Variants in UNC13A observed in about 807,000 individuals in gnomAD.
UNC13A encodes protein unc-13 homolog A.
Under a neutral mutation model 219.7 loss-of-function variants are expected in UNC13A, and 61 were observed. The ratio of observed to expected loss-of-function variants is 0.28; its 90% CI spans 0.23 to 0.34. The LOEUF (loss-of-function observed/expected upper bound fraction) is 0.34. Ranked by LOEUF, UNC13A falls within the 10% of genes least tolerant of loss-of-function variation. The probability of loss-of-function intolerance (pLI) is 1.00; values close to 1 mark genes in which losing one functional copy is unlikely to be tolerated. For synonymous variants in UNC13A, 920 were observed against 884.6 expected (o/e 1.04, Z -0.71); for missense variants, 1,476 against 2,270.3 (o/e 0.65, Z 7.11).
chr19:17,687,366 G>A (rs1446231007), intron 1 of UNC13A, among the ~76,000 whole-genome samples: 1 of 152,164 alleles, frequency 6.6e-6, no homozygotes, highest in Non-Finnish European at 1.5e-5. Flanking sequence ...GTGAGGATGG[G>A]CCAGGAGGGG....
At chr19:17,667,986 G>T (rs1194195379) in intron 6 of UNC13A, 131 bp downstream of exon 6, 9 of 908,686 alleles carry the variant, frequency 9.9e-6, no homozygotes, top group Middle Eastern at 4.5e-4. Flanking sequence ...ATGCAGTCAG[G>T]TTACAAAGAG....
chr19:17,681,601 T>C (rs1457238875), intron 1 of UNC13A, among the ~76,000 whole-genome samples: 1 of 151,912 alleles, frequency 6.6e-6, no homozygotes, highest in Admixed American at 6.6e-5. Context: ...GAATAAGGGA[T>C]TTGTGTGTGT....
chr19:17,631,188 T>TTCC lies in UNC13A; in HGVS notation c.3429-441_3429-439dup, dbSNP rs751272969. 7.2e-3 allele frequency among the ~76,000 whole-genome samples: 182 copies of TTCC among 25,194 alleles called. 16 individuals carry two copies. Among genetic ancestry groups the TTCC allele is most frequent in the Middle Eastern group, 0.04 (2 of 50 alleles). The allele number at this position is 25,194 out of a possible 152,430, so 16.5% of individuals were successfully genotyped here. A position where few individuals can be genotyped will look rare whatever the true frequency, so the allele number is the denominator to read the frequency against. On this transcript the variant is annotated intron_variant, in intron 28 of 43. Coordinates refer to ENST00000519716, the MANE Select transcript of UNC13A (RefSeq NM_001080421.3). ...CTCCCTCCCTCCCTCCTTTCCTTCCTTCCCTCCCTCCCTCCCTTCCTTCCT... is the reference window on the plus strand; with the variant it reads ...CTCCCTCCCTCCCTCCTTTCCTTCCTTCCTCCCTCCCTCCCTCCCTTCCTTCCT...
At chr19:17,629,666 C>G (rs776722667) in intron 30 of UNC13A, among the ~76,000 whole-genome samples, 4 of 152,140 alleles carry the variant, frequency 2.6e-5, no homozygotes, top group Non-Finnish European at 5.9e-5. Context: ...ATGAATCAAA[C>G]CTCAACCCCA....
intron 43 of UNC13A, among the ~76,000 whole-genome samples, chr19:17,609,494 A>C (rs145169119): frequency 6.6e-6 from 1 of 152,036 alleles, no homozygotes; most frequent in African/African-American, 2.4e-5. Context: ...ACAAGGCTCA[A>C]TGTAGACTCC....
rs535178640 is a variant in UNC13A at position 17,609,853 on chromosome 19, G to C, written c.4811+87C>G. The C allele has an allele frequency of 1.4e-5, 22 of 1,575,176 alleles. No individual in the cohort carries two copies. In the East Asian group the frequency reaches 4.9e-4, roughly 35 times the overall value. ...CTCCCATTCCCGGGCCCAGATTCCA[G>C]ATACCTCCTGCCTAGCTGGCTTTGG... On this transcript the variant is annotated intron_variant, in intron 43 of 43. Coordinates refer to ENST00000519716, the MANE Select transcript of UNC13A (RefSeq NM_001080421.3).
rs1397028746 is a variant in UNC13A, at chr19:17,645,798, G to A, written c.2232C>T (p.Asp744=). 5.0e-6 allele frequency: 8 copies of A among 1,613,550 alleles called. No homozygotes were observed. Among genetic ancestry groups the A allele is most frequent in the South Asian group, 3.3e-5 (3 of 90,984 alleles). Residue 744 remains aspartate (D), a synonymous_variant, in exon 19 of 44, where the codon GAC becomes GAT. Transcript: ENST00000519716. ...SSDRIKVRVW[D]EDDDIKSRVK... ...CGCGGGATTTGATGTCGTCATCCTC[G>A]TCCCAGACGCGCACCTTGATGCGGT...
chr19:17,649,548 G>A lies in UNC13A; in HGVS notation c.1479C>T (p.Asp493=), dbSNP rs1568526277. 1 of 1,613,926 alleles carries A rather than the reference G, an allele frequency of 6.2e-7. No homozygotes were observed. Among genetic ancestry groups the A allele is most frequent in the Non-Finnish European group, 8.5e-7 (1 of 1,179,876 alleles). Residue 493 remains aspartate, a synonymous_variant, in exon 13 of 44, where the codon GAC becomes GAT. Coordinates refer to ENST00000519716, the MANE Select transcript of UNC13A (RefSeq NM_001080421.3). The surrounding 1 kb of genome is among the most constrained non-coding windows in gnomAD (Gnocchi z 4.4). ...GTGGGATAGGTTTCCTCTTGCGGATGTCTGGCATGCTGTCGATGATGATGA... is the reference window on the plus strand; with the variant it reads ...GTGGGATAGGTTTCCTCTTGCGGATATCTGGCATGCTGTCGATGATGATGA... ...GGLIIIDSMP[D]IRKRKPIPLV...
intron 16 of UNC13A, 25 bp from the exon 17 acceptor site, chr19:17,647,517 G>A: frequency 6.2e-7 from 1 of 1,603,964 alleles, no homozygotes; most frequent in Non-Finnish European, 8.5e-7. Context: ...GGCCGGCGCT[G>A]ACCCCAGCGC....
intron 39 of UNC13A, 39 bp downstream of exon 39, chr19:17,618,867 G>T (rs762080150): frequency 1.2e-6 from 2 of 1,610,010 alleles, no homozygotes; most frequent in Non-Finnish European, 1.7e-6. Flanking sequence ...TGAGTTTGGG[G>T]GGCAGTCCCT....
At position 17,625,089 on chromosome 19, in the gene UNC13A, G is replaced by C. The variant is rs964298399; in HGVS notation, c.4074-137C>G. 11 of 1,330,670 alleles carry C rather than the reference G, an allele frequency of 8.3e-6. No individual in the cohort carries two copies. In the African/African-American group the frequency reaches 1.6e-4, roughly 20 times the overall value. The allele number at this position is 1,330,670 out of a possible 1,614,324, so 82.4% of individuals were successfully genotyped here. Reference sequence around the variant, plus strand: ...CTGTACAGGGACCCCTGGGTGGTTTGATGGGGCTATGATATCTGATGCATG... The same window carrying C: ...CTGTACAGGGACCCCTGGGTGGTTTCATGGGGCTATGATATCTGATGCATG... On this transcript the variant is annotated intron_variant, in intron 34 of 43. Coordinates refer to ENST00000519716, the MANE Select transcript of UNC13A (RefSeq NM_001080421.3).
intron 21 of UNC13A, 98 bp from the exon 22 acceptor site, chr19:17,640,759 C>A (rs1599365175): frequency 7.6e-7 from 1 of 1,322,440 alleles, no homozygotes; most frequent in South Asian, 1.7e-5. Flanking sequence ...GTGAGTGGGT[C>A]TCTGTCACCT....
Position 17,610,028 on chromosome 19 carries a change from C to T in UNC13A, c.4723G>A (p.Gly1575Arg), listed in dbSNP as rs2076585220. ...FRPFIEVNII[G>R]PQLSDKKRKF... ...CGTTTCTTGTCGCTGAGCTGGGGCC[C>T]AATGATGTTGACCTCGATGAACGGC... Residue 1575 changes from glycine (G) to arginine (R), a missense_variant, in exon 43 of 44, where the codon GGG becomes AGG. By Grantham distance (125) the Gly-to-Arg change is moderately radical (BLOSUM62 -2). Transcript: ENST00000519716. 6.2e-7 allele frequency: 1 copy of T among 1,613,910 alleles called. No individual in the cohort carries two copies.
At chr19:17,675,406 C>T (rs1599412669) in intron 2 of UNC13A, among the ~76,000 whole-genome samples, 2 of 150,774 alleles carry the variant, frequency 1.3e-5, no homozygotes, top group African/African-American at 2.4e-5. Flanking sequence ...CCGAGGCGGG[C>T]GGATCATTTA....
chr19:17,675,796 A>G (rs1236123714), intron 2 of UNC13A, among the ~76,000 whole-genome samples: 4 of 152,132 alleles, frequency 2.6e-5, no homozygotes, highest in Non-Finnish European at 5.9e-5. Context: ...AGACTCTCCA[A>G]GGATGGCTGG....
At chr19:17,651,737 A>G (rs1021047807) in intron 12 of UNC13A, among the ~76,000 whole-genome samples, 1 of 152,048 alleles carries the variant, frequency 6.6e-6, no homozygotes, top group Non-Finnish European at 1.5e-5. Flanking sequence ...AGGAATCCGC[A>G]TTTCAGGACC....
At position 17,649,321 on chromosome 19, in the gene UNC13A, C is replaced by A; in HGVS notation, c.1524+18G>T. 1 of 1,576,866 alleles carries A rather than the reference C, an allele frequency of 6.3e-7. No individual in the cohort carries two copies. The highest frequency in any genetic ancestry group is 2.3e-5 in the East Asian group (1 of 43,468). Reference sequence around the variant, plus strand: ...TTTGGGGAGAAGATCCCAAGAGGCCCATGTCGCCATCACTCACCATGGCCT... The same window carrying A: ...TTTGGGGAGAAGATCCCAAGAGGCCAATGTCGCCATCACTCACCATGGCCT... On this transcript the variant is annotated intron_variant, in intron 14 of 43. Transcript: ENST00000519716. This position sits in a 1 kb window ranked among gnomAD's most constrained non-coding sequence, Gnocchi z 4.4.
Position 17,621,728 on chromosome 19 carries a change from G to A in UNC13A, c.4242+104C>T, listed in dbSNP as rs528340005. 15 of 1,224,826 alleles carry A rather than the reference G, an allele frequency of 1.2e-5. No homozygotes were observed. The East Asian group carries it at 1.9e-4, about 15-fold the overall frequency. The allele number at this position is 1,224,826 out of a possible 1,614,324, so 75.9% of individuals were successfully genotyped here. A position where few individuals can be genotyped will look rare whatever the true frequency, so the allele number is the denominator to read the frequency against. ...GTTAGGAGAGCTATCTCCTACCCAC[G>A]ACCCCCAGCTGCCCTTCCTGCCCAG... is the stretch of plus-strand genomic sequence containing the variant. On this transcript the variant is annotated intron_variant, in intron 37 of 43. Coordinates refer to ENST00000519716, the MANE Select transcript of UNC13A (RefSeq NM_001080421.3).
intron 10 of UNC13A, 122 bp downstream of exon 10, chr19:17,655,760 AC>A (rs2079437903): frequency 4.2e-6 from 6 of 1,417,742 alleles, no homozygotes; most frequent in African/African-American, 1.4e-5. Flanking sequence ...CCTTTAAGAA[AC>A]CCAAGAGCCT....
Sources: allele counts gnomAD v4.1 joint callset (sites outside exome capture counted in the v4.1 genomes callset), GRCh38; gene constraint gnomAD v4.1.1; non-coding constraint Gnocchi (gnomAD v3.1); transcripts MANE v1.5; gene names NCBI Gene and HGNC (gene_info 2026-07-23, HGNC 2026-07-21).